ITPR1: variants seen among roughly 807,000 people sequenced by gnomAD.
The protein encoded by ITPR1 is inositol 1,4,5-trisphosphate receptor type 1.
ITPR1 carries 96 observed loss-of-function variants against 318.4 expected under a neutral mutation model. The ratio of observed to expected loss-of-function variants is 0.30; its 90% CI spans 0.26 to 0.36. ITPR1 has a LOEUF of 0.36. Ranked by LOEUF, ITPR1 falls within the 10% of genes least tolerant of loss-of-function variation. The probability of loss-of-function intolerance (pLI) is 1.00; values close to 1 mark genes in which losing one functional copy is unlikely to be tolerated. For synonymous variants in ITPR1, 1,312 were observed against 1,289.9 expected (o/e 1.02, Z -0.37); for missense variants, 2,440 against 3,460.2 (o/e 0.71, Z 7.40).
At chr3:4,725,670 C>T in intron 41 of ITPR1, 89 bp downstream of exon 41, 1 of 1,170,962 alleles carries the variant, frequency 8.5e-7, no homozygotes, top group Non-Finnish European at 1.3e-6. Flanking sequence ...ATTGTTGTAA[C>T]AAAAAGTCTC....
chr3:4,527,455 G>A (rs2083073336), intron 4 of ITPR1, among the ~76,000 whole-genome samples: 2 of 152,154 alleles, frequency 1.3e-5, no homozygotes, highest in African/African-American at 4.8e-5. Flanking sequence ...GATTACTGGT[G>A]TGAGCCACTG....
intron 4 of ITPR1, among the ~76,000 whole-genome samples, chr3:4,612,206 C>T (rs1048726067): frequency 1.3e-5 from 2 of 151,672 alleles, no homozygotes; most frequent in Admixed American, 6.6e-5. Flanking sequence ...GGATTACAGG[C>T]GCCCACCACC....
intron 5 of ITPR1, among the ~76,000 whole-genome samples, chr3:4,633,095 C>T (rs750164561): frequency 1.3e-4 from 20 of 151,968 alleles, no homozygotes; most frequent in Non-Finnish European, 2.4e-4. Context: ...TGCGTCACCA[C>T]GCCCGGCTAA....
At chr3:4,816,075 A>G (rs992975380) in intron 59 of ITPR1, 3 of 152,228 alleles carry the variant, frequency 2.0e-5, no homozygotes, top group South Asian at 4.1e-4. Context: ...TTTAGTACAC[A>G]TTTCCTAAAA....
At chr3:4,838,582 A>C (rs3805034) in intron 61 of ITPR1, among the ~76,000 whole-genome samples, 138,312 of 152,308 alleles carry the variant, frequency 0.91, 62,926 homozygotes, top group South Asian at 0.95. Flanking sequence ...ATACTTAAAT[A>C]AAGGAACACT....
chr3:4,723,742 A>G (rs1050766295), intron 40 of ITPR1, among the ~76,000 whole-genome samples: 19 of 151,806 alleles, frequency 1.3e-4, no homozygotes, highest in African/African-American at 3.6e-4. Context: ...GTGCATTCCT[A>G]TGGTGAATCC....
intron 4 of ITPR1, among the ~76,000 whole-genome samples, chr3:4,582,997 C>A (rs2089509440): frequency 6.6e-6 from 1 of 152,148 alleles, no homozygotes; most frequent in Non-Finnish European, 1.5e-5. Context: ...TTTCACCCAC[C>A]AGCCTTTACT....
intron 51 of ITPR1, among the ~76,000 whole-genome samples, chr3:4,784,726 CAAA>C (rs34856837): frequency 0.017 from 1,907 of 109,498 alleles, 35 homozygotes; most frequent in African/African-American, 0.058. Context: ...ACTAAAAATA[CAAA>C]AAAAAAAAAA....
chr3:4,742,137 G>A (rs978803957), intron 44 of ITPR1, among the ~76,000 whole-genome samples: 14 of 152,120 alleles, frequency 9.2e-5, no homozygotes, highest in Non-Finnish European at 1.8e-4. Flanking sequence ...AGGGACTCAG[G>A]GAGGACCCCC....
In ITPR1 at chr3:4,766,757, G is replaced by A. The variant is rs749909448; in HGVS notation, c.5725+47G>A. 14 of 1,434,556 alleles carry A rather than the reference G, an allele frequency of 9.8e-6. No individual in the cohort carries two copies. In the African/African-American group the frequency reaches 1.9e-4, roughly 19 times the overall value. The allele number at this position is 1,434,556 out of a possible 1,614,324, so 88.9% of individuals were successfully genotyped here. ...GTCAGCTGGATCATGAACACCAGAA[G>A]AGTCCTTGTTATCCTTCATTGTTTT... is the stretch of plus-strand genomic sequence containing the variant. On this transcript the variant is annotated intron_variant, in intron 45 of 61. Transcript: ENST00000649015.
chr3:4,512,514 A>T (rs1022670104), intron 2 of ITPR1, among the ~76,000 whole-genome samples: 5 of 152,176 alleles, frequency 3.3e-5, no homozygotes, highest in Non-Finnish European at 7.3e-5. Context: ...ATTAGGAAGG[A>T]TAAATTATCT....
In ITPR1 at chr3:4,683,723, T is replaced by C. The variant is rs1173001707; in HGVS notation, c.3423T>C (p.Leu1141=). Residue 1141 remains leucine (L), a synonymous_variant, in exon 28 of 62, where the codon CTT becomes CTC. Transcript: ENST00000649015. ...QLRSIVEKSE[L]WVYKGQGPDE... ...GGTCCATCGTGGAAAAGTCAGAGCT[T>C]TGGGTGTACAAAGGGCAGGGCCCCG... 2 of 1,613,884 alleles carry C rather than the reference T, an allele frequency of 1.2e-6. No individual in the cohort carries two copies. Among genetic ancestry groups the C allele is most frequent in the Non-Finnish European group, 1.7e-6 (2 of 1,179,860 alleles).
intron 12 of ITPR1, 107 bp from the exon 13 acceptor site, chr3:4,658,017 T>A (rs529144790): frequency 2.9e-5 from 32 of 1,101,744 alleles, no homozygotes; most frequent in Non-Finnish European, 4.1e-5. Flanking sequence ...TGCCAACTGC[T>A]GACATTCACG....
At chr3:4,633,332 A>G (rs1420178923) in intron 5 of ITPR1, among the ~76,000 whole-genome samples, 1 of 152,084 alleles carries the variant, frequency 6.6e-6, no homozygotes, top group South Asian at 2.1e-4. Flanking sequence ...AGTTATCTAC[A>G]TATTTCATTC....
chr3:4,616,917 C>T (rs537417430), intron 4 of ITPR1, among the ~76,000 whole-genome samples: 12 of 151,928 alleles, frequency 7.9e-5, no homozygotes, highest in African/African-American at 2.4e-4. Context: ...CATGTGAGTG[C>T]GAGTGTTGCG....
intron 4 of ITPR1, among the ~76,000 whole-genome samples, chr3:4,559,595 A>G (rs1222755303): frequency 6.6e-6 from 1 of 152,218 alleles, no homozygotes; most frequent in Non-Finnish European, 1.5e-5. Flanking sequence ...TTTTAGTCTA[A>G]TCAGAGAGGG....
At position 4,532,050 on chromosome 3, in the gene ITPR1, C is replaced by T. The variant is rs76502192; in HGVS notation, c.163+10956C>T. 5.6e-3 allele frequency among the ~76,000 whole-genome samples: 859 copies of T among 152,352 alleles called. 7 individuals carry two copies. Among genetic ancestry groups the T allele is most frequent in the African/African-American group, 0.02 (816 of 41,584 alleles). On this transcript the variant is annotated intron_variant, in intron 4 of 61. Coordinates refer to ENST00000649015, the MANE Select transcript of ITPR1 (RefSeq NM_001378452.1). ...TAATCTGTGTAAAGCACTTACGGGA[C>T]TACCTGGTCCATATTAAATGCCATA...
At chr3:4,600,047 A>C (rs925443952) in intron 4 of ITPR1, among the ~76,000 whole-genome samples, 4 of 152,208 alleles carry the variant, frequency 2.6e-5, no homozygotes, top group Non-Finnish European at 5.9e-5. Flanking sequence ...ATTTCCTAGC[A>C]TTGTATGTAC....
intron 33 of ITPR1, 114 bp downstream of exon 33, chr3:4,693,855 GC>G (rs1407874201): frequency 9.1e-7 from 1 of 1,093,450 alleles, no homozygotes; most frequent in African/African-American, 1.6e-5. Context: ...GGCTCTGAAA[GC>G]TGCAGCTCAT....
Sources: allele counts gnomAD v4.1 joint callset (sites outside exome capture counted in the v4.1 genomes callset), GRCh38; gene constraint gnomAD v4.1.1; transcripts MANE v1.5; gene names NCBI Gene and HGNC (gene_info 2026-07-23, HGNC 2026-07-21).